The following PCDH7 variants were observed in gnomAD, a reference collection of about 807,000 sequenced individuals.
The protein encoded by PCDH7 is protocadherin 7.
Under a neutral mutation model 58.9 loss-of-function variants are expected in PCDH7, and 17 were observed. That is an observed-to-expected ratio of 0.29 (90% CI 0.20 to 0.43). The LOEUF is 0.43. Ranked by LOEUF, PCDH7 falls within the 20% of genes least tolerant of loss-of-function variation. The pLI, the probability that PCDH7 is intolerant of heterozygous loss-of-function variation, is 1.00. For missense variants in PCDH7, 1,274 were observed against 1,441.0 expected (o/e 0.88, Z 1.88); for synonymous variants, 664 against 616.4 (o/e 1.08, Z -1.14).
At chr4:30,771,265 A>G (rs1284434240) in intron 1 of PCDH7, among the ~76,000 whole-genome samples, 1 of 152,228 alleles carries the variant, frequency 6.6e-6, no homozygotes, top group Non-Finnish European at 1.5e-5. Flanking sequence ...GATCTGACAA[A>G]TGACTGTTGT....
At chr4:30,863,614 T>C (rs1440455545) in intron 1 of PCDH7, among the ~76,000 whole-genome samples, 1 of 152,100 alleles carries the variant, frequency 6.6e-6, no homozygotes, top group African/African-American at 2.4e-5. Context: ...ATAAAAGCTG[T>C]TCCATAAATA....
chr4:31,085,522 T>G (rs183056068), intron 3 of PCDH7, among the ~76,000 whole-genome samples: 1 of 152,308 alleles, frequency 6.6e-6, no homozygotes, highest in Non-Finnish European at 1.5e-5. Flanking sequence ...AAAGTTACTT[T>G]AGCCTACTCC....
At chr4:31,123,611 C>T (rs1240569447) in intron 3 of PCDH7, among the ~76,000 whole-genome samples, 2 of 152,164 alleles carry the variant, frequency 1.3e-5, no homozygotes, top group Non-Finnish European at 2.9e-5. Context: ...ACAAACAGTG[C>T]TCTTTTAGCT....
At chr4:30,951,018 G>A (rs886457756) in intron 3 of PCDH7, among the ~76,000 whole-genome samples, 1 of 152,030 alleles carries the variant, frequency 6.6e-6, no homozygotes, top group Non-Finnish European at 1.5e-5. Context: ...TCCTGCAGGG[G>A]CTTGTTTTGA....
At chr4:31,098,927 T>G (rs1209150197) in intron 3 of PCDH7, among the ~76,000 whole-genome samples, 1 of 152,136 alleles carries the variant, frequency 6.6e-6, no homozygotes, top group East Asian at 1.9e-4. Context: ...ATGGTCACCT[T>G]TTTGCTGTTT....
At chr4:31,119,526 A>G (rs753352979) in intron 3 of PCDH7, among the ~76,000 whole-genome samples, 1 of 152,148 alleles carries the variant, frequency 6.6e-6, no homozygotes, top group Non-Finnish European at 1.5e-5. Context: ...CAAGTTTTAG[A>G]GCAGGAGTGA....
chr4:30,937,292 A>G (rs564241153), intron 2 of PCDH7, among the ~76,000 whole-genome samples: 1 of 152,256 alleles, frequency 6.6e-6, no homozygotes, highest in Admixed American at 6.5e-5. Flanking sequence ...TCTCTGCTGA[A>G]TATAGGAAAA....
chr4:30,907,837 C>G lies in PCDH7; in HGVS notation c.71-12316C>G, dbSNP rs567589223. On this transcript the variant is annotated intron_variant, in intron 1 of 3. Coordinates refer to the PCDH7 transcript ENST00000509759. ...GCGGCACTACTCACAATAGCAAAGA[C>G]TTGAAACCAATCCAAATGTCCAGCA... Among the ~76,000 whole-genome samples the G allele has an allele frequency of 2.0e-5, 3 of 152,260 alleles. No homozygotes were observed. In the South Asian group the frequency reaches 6.2e-4, roughly 32 times the overall value.
intron 1 of PCDH7, among the ~76,000 whole-genome samples, chr4:30,861,145 A>T (rs2109354233): frequency 6.6e-6 from 1 of 152,296 alleles, no homozygotes; most frequent in East Asian, 1.9e-4. Context: ...GTATTACATG[A>T]CAGCCCCACC....
At chr4:30,800,788 A>G (rs1725436231) in intron 1 of PCDH7, among the ~76,000 whole-genome samples, 1 of 152,228 alleles carries the variant, frequency 6.6e-6, no homozygotes, top group Non-Finnish European at 1.5e-5. Flanking sequence ...TGTGGTTAAG[A>G]GTACAGGGAG....
chr4:31,064,563 C>A lies in PCDH7; in HGVS notation c.*8-77910C>A, dbSNP rs180857187. ...TCCCTTCAGAGCCTCTAAAGTAGAA[C>A]CTTTCTTGCCTCTTCCCAGCTTCTG... is the stretch of plus-strand genomic sequence containing the variant. On this transcript the variant is annotated intron_variant, in intron 3 of 3. Transcript: ENST00000509759. Among the ~76,000 whole-genome samples, 872 of 152,092 alleles carry A rather than the reference C, an allele frequency of 5.7e-3. 4 individuals are homozygous for A. Among genetic ancestry groups the A allele is most frequent in the Non-Finnish European group, 0.011 (714 of 67,948 alleles).
chr4:30,722,779 G>A lies in PCDH7; in HGVS notation c.1357G>A (p.Gly453Ser), dbSNP rs1299440673. The A allele has an allele frequency of 8.1e-6, 13 of 1,613,532 alleles. No individual in the cohort carries two copies. Among genetic ancestry groups the A allele is most frequent in the Admixed American group, 1.7e-5 (1 of 60,016 alleles). Residue 453 changes from glycine to serine, a missense_variant, in exon 1 of 2, where the codon GGC (glycine) becomes AGC (serine). Gly to Ser is a moderately conservative substitution (Grantham distance 56). This residue lies in a region of PCDH7 where 731 missense variants were observed against 881.9 expected (regional missense o/e 0.83). Transcript: ENST00000361762. The surrounding 1 kb of genome is among the most constrained non-coding windows in gnomAD (Gnocchi z 7.6). The stretch of plus-strand genomic sequence containing the variant: ...GGTGCAGGTGTCCGACCGAGACCAA[G>A]GCGAGAACGGGGTGGTCACCTGCAC...
In PCDH7 at chr4:31,060,682, A is replaced by G. The variant is rs554853089; in HGVS notation, c.*8-81791A>G. 8.8e-4 allele frequency among the ~76,000 whole-genome samples: 133 copies of G among 151,902 alleles called. 2 individuals are homozygous for G. Among genetic ancestry groups the G allele is most frequent in the Non-Finnish European group, 9.7e-4 (66 of 67,740 alleles). ...TTCAATTTCAACATATATGAAGGTTAGTGTGTAATTTCTTCTTCTAATCTG... is the reference window on the plus strand; with the variant it reads ...TTCAATTTCAACATATATGAAGGTTGGTGTGTAATTTCTTCTTCTAATCTG... On this transcript the variant is annotated intron_variant, in intron 3 of 3. Coordinates refer to the PCDH7 transcript ENST00000509759.
intron 1 of PCDH7, among the ~76,000 whole-genome samples, chr4:30,847,729 C>T (rs1216463323): frequency 6.6e-6 from 1 of 152,008 alleles, no homozygotes; most frequent in South Asian, 2.1e-4. Context: ...GTGTTATAAA[C>T]AAATTGCAGT....
At chr4:30,883,632 A>G (rs188048037) in intron 1 of PCDH7, among the ~76,000 whole-genome samples, 4 of 152,288 alleles carry the variant, frequency 2.6e-5, no homozygotes, top group Non-Finnish European at 5.9e-5. Context: ...ACTTCACGTG[A>G]TGTACACTGA....
intron 1 of PCDH7, among the ~76,000 whole-genome samples, chr4:30,841,968 T>A (rs1452233231): frequency 2.6e-5 from 4 of 152,056 alleles, no homozygotes; most frequent in African/African-American, 4.8e-5. Context: ...TATTATATAT[T>A]TTTTTAGGAA....
At chr4:30,726,488 G>A (rs974524117) in intron 1 of PCDH7, among the ~76,000 whole-genome samples, 1 of 151,938 alleles carries the variant, frequency 6.6e-6, no homozygotes, top group African/African-American at 2.4e-5. Context: ...ATCAGATGAG[G>A]TTAGCTCTAT....
At chr4:30,961,338 A>C (rs1425884157) in intron 3 of PCDH7, among the ~76,000 whole-genome samples, 1 of 151,832 alleles carries the variant, frequency 6.6e-6, no homozygotes, top group African/African-American at 2.4e-5. Flanking sequence ...AAGTCAGGAC[A>C]TCAACACCAT....
intron 1 of PCDH7, among the ~76,000 whole-genome samples, chr4:30,729,456 C>T (rs1715155458): frequency 6.6e-6 from 1 of 151,908 alleles, no homozygotes; most frequent in African/African-American, 2.4e-5. Flanking sequence ...TCTTTTCCCT[C>T]ATGTAGGATT....
Sources: allele counts gnomAD v4.1 joint callset (sites outside exome capture counted in the v4.1 genomes callset), GRCh38; gene constraint gnomAD v4.1.1; regional missense constraint gnomAD v4.1.1; non-coding constraint Gnocchi (gnomAD v3.1); transcripts MANE v1.5; gene names NCBI Gene and HGNC (gene_info 2026-07-23, HGNC 2026-07-21).